XYLT1: variants seen among roughly 807,000 people sequenced by gnomAD.
XYLT1 encodes the protein xylosyltransferase 1, also known as beta-D-xylosyltransferase 1.
A neutral mutation model predicts 91.3 loss-of-function variants in XYLT1; 36 were observed. The observed-to-expected ratio is 0.39, with a 90% CI of 0.30 to 0.52. The LOEUF (loss-of-function observed/expected upper bound fraction) is 0.52. Among genes scored for constraint, XYLT1 ranks in the 20% least tolerant of loss-of-function variants. The pLI, the probability that XYLT1 is intolerant of heterozygous loss-of-function variation, is 0.68. For synonymous variants in XYLT1, 588 were observed against 532.0 expected (o/e 1.11, Z -1.45); for missense variants, 1,242 against 1,284.5 (o/e 0.97, Z 0.51).
At chr16:17,214,177 C>A (rs114229498) in intron 3 of XYLT1, among the ~76,000 whole-genome samples, 1,701 of 152,302 alleles carry the variant, frequency 0.011, 29 homozygotes, top group African/African-American at 0.038. Context: ...AGGCTTCCTG[C>A]CAAGATGGCC....
chr16:17,448,389 G>C (rs1312362105), intron 1 of XYLT1, among the ~76,000 whole-genome samples: 1 of 152,074 alleles, frequency 6.6e-6, no homozygotes, highest in East Asian at 1.9e-4. Context: ...AAAATAAAAT[G>C]GCTGTGAGCC....
chr16:17,138,163 G>A (rs2030821996), intron 8 of XYLT1, 192 bp downstream of exon 8: 3 of 589,480 alleles, frequency 5.1e-6, no homozygotes, highest in Non-Finnish European at 2.9e-6. Flanking sequence ...GAGTCAATGT[G>A]GTTAGAACAT....
intron 3 of XYLT1, among the ~76,000 whole-genome samples, chr16:17,238,373 A>C (rs1380341793): frequency 2.0e-5 from 3 of 152,160 alleles, no homozygotes; most frequent in Non-Finnish European, 4.4e-5. Flanking sequence ...AGTGATGGCC[A>C]AAAGTGCAAC....
At chr16:17,232,237 TATGTA>T (rs10558402) in intron 3 of XYLT1, among the ~76,000 whole-genome samples, 67,838 of 139,964 alleles carry the variant, frequency 0.48, 17,352 homozygotes, top group South Asian at 0.63. Flanking sequence ...TATTTGATTA[TATGTA>T]ATATATTATA....
chr16:17,327,999 G>A (rs2034838569), intron 2 of XYLT1, among the ~76,000 whole-genome samples: 1 of 152,106 alleles, frequency 6.6e-6, no homozygotes, highest in Non-Finnish European at 1.5e-5. Flanking sequence ...ACACTGGGAG[G>A]AGAGGACCAT....
At chr16:17,124,792 T>A (rs999836304) in intron 10 of XYLT1, among the ~76,000 whole-genome samples, 7 of 86,256 alleles carry the variant, frequency 8.1e-5, no homozygotes, top group South Asian at 6.8e-4. Flanking sequence ...GTTCATTTTT[T>A]AAAAATTCTT....
intron 2 of XYLT1, among the ~76,000 whole-genome samples, chr16:17,277,898 T>C (rs918964229): frequency 6.6e-6 from 1 of 152,168 alleles, no homozygotes; most frequent in Non-Finnish European, 1.5e-5. Context: ...TCACAGCGGT[T>C]ATCTCAGCAG....
At chr16:17,307,911 C>T (rs539282442) in intron 2 of XYLT1, among the ~76,000 whole-genome samples, 1 of 152,266 alleles carries the variant, frequency 6.6e-6, no homozygotes, top group African/African-American at 2.4e-5. Context: ...TGCAGAGGGA[C>T]TGATGCCTGG....
At chr16:17,270,278 A>T (rs1402264136) in intron 2 of XYLT1, among the ~76,000 whole-genome samples, 1 of 152,234 alleles carries the variant, frequency 6.6e-6, no homozygotes, top group East Asian at 1.9e-4. Flanking sequence ...AAGGCCACCT[A>T]GCCTGGACCT....
At chr16:17,210,492 G>A (rs946349667) in intron 3 of XYLT1, among the ~76,000 whole-genome samples, 6 of 152,168 alleles carry the variant, frequency 3.9e-5, no homozygotes, top group Non-Finnish European at 4.4e-5. Context: ...CAGGAGAATT[G>A]CTTGAACCCA....
chr16:17,139,192 T>C lies in XYLT1; in HGVS notation c.1588-661A>G, dbSNP rs9940501. Among the ~76,000 whole-genome samples, 3 of 152,040 alleles carry C rather than the reference T, an allele frequency of 2.0e-5. No individual in the cohort carries two copies. In the South Asian group the frequency reaches 6.2e-4, roughly 32 times the overall value. ...GAGTACTTGAGAGACTGCCAGAGAG[T>C]GAGAGAAAGATTTCTATAATAGACA... On this transcript the variant is annotated intron_variant, in intron 7 of 11. Transcript: ENST00000261381.
chr16:17,325,032 G>A (rs1028989367), intron 2 of XYLT1, among the ~76,000 whole-genome samples: 1 of 151,922 alleles, frequency 6.6e-6, no homozygotes, highest in Non-Finnish European at 1.5e-5. Flanking sequence ...TTCAAAAAAC[G>A]CTATGTAACT....
chr16:17,116,988 T>C (rs1031907124), intron 11 of XYLT1, among the ~76,000 whole-genome samples: 1 of 152,200 alleles, frequency 6.6e-6, no homozygotes, highest in African/African-American at 2.4e-5. Context: ...GTCTTTTTTT[T>C]TGTAAAGAGC....
At chr16:17,233,788 T>G (rs2033204094) in intron 3 of XYLT1, among the ~76,000 whole-genome samples, 1 of 152,192 alleles carries the variant, frequency 6.6e-6, no homozygotes, top group African/African-American at 2.4e-5. Context: ...TGGCAGCTTC[T>G]ACCTGCCTAC....
chr16:17,462,549 AGAT>A (rs2036837465), intron 1 of XYLT1, among the ~76,000 whole-genome samples: 2 of 152,224 alleles, frequency 1.3e-5, no homozygotes, highest in Non-Finnish European at 2.9e-5. Context: ...AGTGTCCGCA[AGAT>A]GATCCGCACT....
chr16:17,141,195 G>A lies in XYLT1; in HGVS notation c.1545C>T (p.Thr515=), dbSNP rs1326890859. ...YVTFSTDDLV[T]KMKQFYSYTL... is the part of the protein sequence containing the mutation. Reference sequence around the variant, plus strand: ...TGTAGGAGTAGAACTGTTTCATCTTGGTCACCAGATCGTCTGTGGAGAAGG... The same window carrying A: ...TGTAGGAGTAGAACTGTTTCATCTTAGTCACCAGATCGTCTGTGGAGAAGG... The change falls in exon 7 of 12, where the codon ACC becomes ACT. Residue 515 remains threonine (T), a synonymous_variant. Transcript: ENST00000261381. The A allele has an allele frequency of 5.0e-6, 8 of 1,614,166 alleles. 1 individual carries two copies. The highest frequency in any genetic ancestry group is 6.8e-6 in the Non-Finnish European group (8 of 1,180,024).
chr16:17,170,524 C>A (rs1206385656), intron 5 of XYLT1, among the ~76,000 whole-genome samples: 2 of 152,162 alleles, frequency 1.3e-5, no homozygotes, highest in African/African-American at 4.8e-5. Context: ...TCCATACCAT[C>A]CCTAATGCCA....
chr16:17,347,574 C>T (rs1307238976), intron 2 of XYLT1, among the ~76,000 whole-genome samples: 1 of 152,200 alleles, frequency 6.6e-6, no homozygotes, highest in African/African-American at 2.4e-5. Context: ...AGAGCTCGTA[C>T]AATCCACCGT....
intron 7 of XYLT1, chr16:17,138,760 A>G: frequency 2.0e-6 from 1 of 494,016 alleles, no homozygotes; most frequent in East Asian, 3.4e-5. Flanking sequence ...CTTCATAGCA[A>G]TGCAAAAATG....
Sources: allele counts gnomAD v4.1 joint callset (sites outside exome capture counted in the v4.1 genomes callset), GRCh38; gene constraint gnomAD v4.1.1; transcripts MANE v1.5; gene names NCBI Gene and HGNC (gene_info 2026-07-23, HGNC 2026-07-21).